OR6C76: variants seen among roughly 807,000 people sequenced by gnomAD.
The protein encoded by OR6C76 is olfactory receptor 6C76.
For missense variants in OR6C76, 352 were observed against 357.3 expected, an observed-to-expected ratio of 0.99 and a Z score of 0.12; for synonymous variants, 140 against 137.8, an observed-to-expected ratio of 1.02 and a Z score of -0.11.
rs57387180 is a variant in OR6C76, at chr12:55,427,174, CA to C, written c.933del (p.Lys311AsnfsTer?). On this transcript the variant is annotated frameshift_variant, in exon 1 of 1. Coordinates refer to ENST00000328314, the MANE Select transcript of OR6C76 (RefSeq NM_001005183.1). LOFTEE classifies it high-confidence loss of function. Reference sequence around the variant, plus strand: ...AGGATGTTCTGAGAAAGATTTCCCACAAAAAAAAAAAACACTGATTTGAATG... The same window carrying C: ...AGGATGTTCTGAGAAAGATTTCCCACAAAAAAAAAAACACTGATTTGAATG... ...FKDVLRKISH[K>X]KKKH The C allele has an allele frequency of 0.27, 337,104 of 1,268,864 alleles. 11,332 individuals are homozygous for C. The highest frequency in any genetic ancestry group is 0.35 in the South Asian group (22,794 of 64,912). The allele number at this position is 1,268,864 out of a possible 1,614,324, so 78.6% of individuals were successfully genotyped here.
rs1452535448 is a variant in OR6C76 at position 55,426,413 on chromosome 12, A to C, written c.160A>C (p.Lys54Gln). 6.2e-7 allele frequency: 1 copy of C among 1,613,890 alleles called. No homozygotes were observed. The highest frequency in any genetic ancestry group is 1.7e-5 in the Admixed American group (1 of 59,974). ...CCTTACCCTGCTGGATTCCCACCTG[A>C]AGACCCCCATGTATTTCTTCCTCAG... ...ISLTLLDSHL[K>Q]TPMYFFLRNF... is the part of the protein sequence containing the mutation. The change falls in exon 1 of 1, where the codon AAG becomes CAG. Residue 54 changes from lysine (K) to glutamine (Q), a missense_variant. By Grantham distance (53) the Lys-to-Gln change is moderately conservative. Transcript: ENST00000328314.
Position 55,426,774 on chromosome 12 carries a change from T to A in OR6C76, c.521T>A (p.Phe174Tyr). ...TGTGACTCCAATGTCATTGACCACT[T>A]TACCTGTGACTCTGCTCCTTTGCTG... ...DFCDSNVIDH[F>Y]TCDSAPLLQI... The change falls in exon 1 of 1, where the codon TTT (phenylalanine) becomes TAT (tyrosine). Residue 174 changes from phenylalanine to tyrosine, a missense_variant. Transcript: ENST00000328314. 6.2e-7 allele frequency: 1 copy of A among 1,613,524 alleles called. No individual in the cohort carries two copies. The highest frequency in any genetic ancestry group is 8.5e-7 in the Non-Finnish European group (1 of 1,179,824).
chr12:55,426,410 C>A lies in OR6C76; in HGVS notation c.157C>A (p.Leu53Met). 1.2e-6 allele frequency: 2 copies of A among 1,613,852 alleles called. No homozygotes were observed. The highest frequency in any genetic ancestry group is 1.7e-6 in the Non-Finnish European group (2 of 1,179,826). The change falls in exon 1 of 1, where the codon CTG becomes ATG. Residue 53 changes from leucine (L) to methionine (M), a missense_variant. By Grantham distance (15) the Leu-to-Met change is conservative (BLOSUM62 2). Coordinates refer to ENST00000328314, the MANE Select transcript of OR6C76 (RefSeq NM_001005183.1). ...IISLTLLDSH[L>M]KTPMYFFLRN... ...CTCCCTTACCCTGCTGGATTCCCAC[C>A]TGAAGACCCCCATGTATTTCTTCCT...
At position 55,427,027 on chromosome 12, in the gene OR6C76, A is replaced by T. The variant is rs1445249456; in HGVS notation, c.774A>T (p.Lys258Asn). The T allele has an allele frequency of 2.5e-6, 4 of 1,613,492 alleles. No homozygotes were observed. Among genetic ancestry groups the T allele is most frequent in the Non-Finnish European group, 3.4e-6 (4 of 1,179,738 alleles). ...GAAGCTGCATCTTCATGTATGTGAA[A>T]ACATCAGCAAAGGAAGGAGTTGCTT... is the stretch of plus-strand genomic sequence containing the variant. ...SYGSCIFMYVKTSAKEGVALT... is the reference protein window; with the variant it reads ...SYGSCIFMYVNTSAKEGVALT... Residue 258 changes from lysine to asparagine, a missense_variant, in exon 1 of 1, where the codon AAA becomes AAT. Transcript: ENST00000328314.
At position 55,426,801 on chromosome 12, in the gene OR6C76, A is replaced by G; in HGVS notation, c.548A>G (p.Gln183Arg). 1 of 1,613,538 alleles carries G rather than the reference A, an allele frequency of 6.2e-7. No homozygotes were observed. Among genetic ancestry groups the G allele is most frequent in the Non-Finnish European group, 8.5e-7 (1 of 1,179,798 alleles). Residue 183 changes from glutamine to arginine, a missense_variant, in exon 1 of 1, where the codon CAA becomes CGA. Gln to Arg is a conservative substitution (Grantham distance 43, BLOSUM62 1). Transcript: ENST00000328314. ...HFTCDSAPLL[Q>R]ISCTDTSTLE... The stretch of plus-strand genomic sequence containing the variant: ...ACCTGTGACTCTGCTCCTTTGCTGC[A>G]AATCTCTTGCACAGACACAAGTACT...
rs545625846 is a variant in OR6C76, at chr12:55,426,832, G to A, written c.579G>A (p.Glu193=). The change falls in exon 1 of 1, where the codon GAG becomes GAA. Residue 193 remains glutamate, a synonymous_variant. Transcript: ENST00000328314. Reference sequence around the variant, plus strand: ...CTTGCACAGACACAAGTACTCTAGAGCTCATGAGCTTTATTTTAGCTCTGT... The same window carrying A: ...CTTGCACAGACACAAGTACTCTAGAACTCATGAGCTTTATTTTAGCTCTGT... ...QISCTDTSTL[E]LMSFILALFT... 2.5e-6 allele frequency: 4 copies of A among 1,613,364 alleles called. No homozygotes were observed. Among genetic ancestry groups the A allele is most frequent in the Middle Eastern group, 1.7e-4 (1 of 6,060 alleles).
In OR6C76 at chr12:55,426,691, G is replaced by T. The variant is rs1189984694; in HGVS notation, c.438G>T (p.Trp146Cys). ...GTTATCAGCTTATAATCAGCTCTTGGCTGGCTGGTTTCTTGGTAATTTTTC... is the reference window on the plus strand; with the variant it reads ...GTTATCAGCTTATAATCAGCTCTTGTCTGGCTGGTTTCTTGGTAATTTTTC... ...RICYQLIISS[W>C]LAGFLVIFPP... The change falls in exon 1 of 1, where the codon TGG (tryptophan) becomes TGT (cysteine). Residue 146 changes from tryptophan to cysteine, a missense_variant. By Grantham distance (215) the Trp-to-Cys change is radical. Coordinates refer to ENST00000328314, the MANE Select transcript of OR6C76 (RefSeq NM_001005183.1). 1.9e-6 allele frequency: 3 copies of T among 1,613,526 alleles called. No homozygotes were observed. Among genetic ancestry groups the T allele is most frequent in the Non-Finnish European group, 2.5e-6 (3 of 1,179,824 alleles).
rs757492978 is a variant in OR6C76 at position 55,426,423 on chromosome 12, T to C, written c.170T>C (p.Met57Thr). 1.2e-6 allele frequency: 2 copies of C among 1,613,900 alleles called. No individual in the cohort carries two copies. The highest frequency in any genetic ancestry group is 1.7e-6 in the Non-Finnish European group (2 of 1,179,842). Residue 57 changes from methionine to threonine, a missense_variant, in exon 1 of 1, where the codon ATG becomes ACG. Met to Thr is a moderately conservative substitution (Grantham distance 81). Coordinates refer to ENST00000328314, the MANE Select transcript of OR6C76 (RefSeq NM_001005183.1). ...TLLDSHLKTP[M>T]YFFLRNFSLE... ...CTGGATTCCCACCTGAAGACCCCCA[T>C]GTATTTCTTCCTCAGGAATTTCTCC...
chr12:55,427,083 C>T lies in OR6C76; in HGVS notation c.830C>T (p.Ser277Phe). 1 of 1,612,924 alleles carries T rather than the reference C, an allele frequency of 6.2e-7. No homozygotes were observed. Among genetic ancestry groups the T allele is most frequent in the African/African-American group, 1.3e-5 (1 of 74,946 alleles). Residue 277 changes from serine to phenylalanine, a missense_variant, in exon 1 of 1, where the codon TCT becomes TTT. Transcript: ENST00000328314. ...AAAGGAGTAGCTATACTCAATACCTCTGTCGCTCCTATGCTGAATCCATTT... is the reference window on the plus strand; with the variant it reads ...AAAGGAGTAGCTATACTCAATACCTTTGTCGCTCCTATGCTGAATCCATTT... ...LTKGVAILNT[S>F]VAPMLNPFIY... is the part of the protein sequence containing the mutation.
Position 55,426,614 on chromosome 12 carries a change from G to GTGGC in OR6C76, c.363_366dup (p.Ile123GlyfsTer4), listed in dbSNP as rs1310854288. ...GGCCTCTATGTCCTATGATTGCTAT[G>GTGGC]TGGCTATATGTAAGCCTCTGCATTA... is the stretch of plus-strand genomic sequence containing the variant. On this transcript the variant is annotated frameshift_variant, in exon 1 of 1. Coordinates refer to ENST00000328314, the MANE Select transcript of OR6C76 (RefSeq NM_001005183.1). LOFTEE classifies it low-confidence loss of function (END_TRUNC). The GTGGC allele has an allele frequency of 6.2e-7, 1 of 1,613,658 alleles. No homozygotes were observed. Among genetic ancestry groups the GTGGC allele is most frequent in the African/African-American group, 1.3e-5 (1 of 74,882 alleles).
chr12:55,426,293 G>C lies in OR6C76; in HGVS notation c.40G>C (p.Gly14Arg), dbSNP rs752553363. ...ATCAGTGACAGATTTCATCCTTCTGGGTCTGACGGATAATCCGCAACTGCA... is the reference window on the plus strand; with the variant it reads ...ATCAGTGACAGATTTCATCCTTCTGCGTCTGACGGATAATCCGCAACTGCA... ...RTSVTDFILLGLTDNPQLQVV... is the reference protein window; with the variant it reads ...RTSVTDFILLRLTDNPQLQVV... Residue 14 changes from glycine to arginine, a missense_variant, in exon 1 of 1, where the codon GGT becomes CGT. Coordinates refer to ENST00000328314, the MANE Select transcript of OR6C76 (RefSeq NM_001005183.1). 6.2e-7 allele frequency: 1 copy of C among 1,611,466 alleles called. No homozygotes were observed. Among genetic ancestry groups the C allele is most frequent in the South Asian group, 1.1e-5 (1 of 90,464 alleles).
Position 55,427,094 on chromosome 12 carries a change from A to G in OR6C76, c.841A>G (p.Met281Val), listed in dbSNP as rs771773632. ...TATACTCAATACCTCTGTCGCTCCT[A>G]TGCTGAATCCATTTATTTACACTCT... ...VAILNTSVAP[M>V]LNPFIYTLRN... The change falls in exon 1 of 1, where the codon ATG (methionine) becomes GTG (valine). Residue 281 changes from methionine to valine, a missense_variant. Transcript: ENST00000328314. 2.5e-6 allele frequency: 4 copies of G among 1,612,824 alleles called. No individual in the cohort carries two copies. The highest frequency in any genetic ancestry group is 1.3e-5 in the African/African-American group (1 of 74,814).
rs775273954 is a variant in OR6C76 at position 55,426,833 on chromosome 12, C to T, written c.580C>T (p.Leu194Phe). The T allele has an allele frequency of 9.9e-6, 16 of 1,613,250 alleles. No individual in the cohort carries two copies. The highest frequency in any genetic ancestry group is 1.2e-5 in the Non-Finnish European group (14 of 1,179,708). The change falls in exon 1 of 1, where the codon CTC becomes TTC. Residue 194 changes from leucine to phenylalanine, a missense_variant. Transcript: ENST00000328314. ...ISCTDTSTLE[L>F]MSFILALFTL... ...TTGCACAGACACAAGTACTCTAGAGCTCATGAGCTTTATTTTAGCTCTGTT... is the reference window on the plus strand; with the variant it reads ...TTGCACAGACACAAGTACTCTAGAGTTCATGAGCTTTATTTTAGCTCTGTT...
Position 55,427,039 on chromosome 12 carries a change from G to A in OR6C76, c.786G>A (p.Lys262=), listed in dbSNP as rs149623049. 1.1e-5 allele frequency: 18 copies of A among 1,613,326 alleles called. No homozygotes were observed. The highest frequency in any genetic ancestry group is 1.6e-4 in the Middle Eastern group (1 of 6,082). The change falls in exon 1 of 1, where the codon AAG becomes AAA. Residue 262 remains lysine, a synonymous_variant. Transcript: ENST00000328314. ...CIFMYVKTSA[K]EGVALTKGVA... is the part of the protein sequence containing the mutation. ...TCATGTATGTGAAAACATCAGCAAA[G>A]GAAGGAGTTGCTTTGACAAAAGGAG...
chr12:55,426,764 A>G lies in OR6C76; in HGVS notation c.511A>G (p.Ile171Val). The G allele has an allele frequency of 6.2e-7, 1 of 1,613,448 alleles. No homozygotes were observed. Among genetic ancestry groups the G allele is most frequent in the Non-Finnish European group, 8.5e-7 (1 of 1,179,820 alleles). Residue 171 changes from isoleucine (I) to valine (V), a missense_variant, in exon 1 of 1, where the codon ATT becomes GTT. Ile to Val is a conservative substitution (Grantham distance 29, BLOSUM62 3). Coordinates refer to ENST00000328314, the MANE Select transcript of OR6C76 (RefSeq NM_001005183.1). ...GCTGGATTTCTGTGACTCCAATGTC[A>G]TTGACCACTTTACCTGTGACTCTGC... is the stretch of plus-strand genomic sequence containing the variant. The part of the protein sequence containing the change: ...LQLDFCDSNV[I>V]DHFTCDSAPL...
rs1236218642 is a variant in OR6C76 at position 55,427,006 on chromosome 12, C to T, written c.753C>T (p.Ser251=). Residue 251 remains serine, a synonymous_variant, in exon 1 of 1, where the codon AGC becomes AGT. Transcript: ENST00000328314. ...HVIVVSISYG[S]CIFMYVKTSA... ...TTGTTGTCTCTATCTCTTATGGAAG[C>T]TGCATCTTCATGTATGTGAAAACAT... 5.0e-6 allele frequency: 8 copies of T among 1,613,546 alleles called. No individual in the cohort carries two copies. Among genetic ancestry groups the T allele is most frequent in the Non-Finnish European group, 6.8e-6 (8 of 1,179,726 alleles).
rs375879716 is a variant in OR6C76, at chr12:55,427,133, G to A, written c.880G>A (p.Val294Met). 3 of 1,599,644 alleles carry A rather than the reference G, an allele frequency of 1.9e-6. No individual in the cohort carries two copies. The highest frequency in any genetic ancestry group is 4.5e-5 in the East Asian group (2 of 44,596). Residue 294 changes from valine to methionine, a missense_variant, in exon 1 of 1, where the codon GTG becomes ATG. By Grantham distance (21) the Val-to-Met change is conservative. Coordinates refer to ENST00000328314, the MANE Select transcript of OR6C76 (RefSeq NM_001005183.1). ...TATTTACACTCTAAGAAACCAGCAG[G>A]TGAAACAAGCATTTAAGGATGTTCT... The part of the protein sequence containing the change: ...PFIYTLRNQQ[V>M]KQAFKDVLRK...
At position 55,426,495 on chromosome 12, in the gene OR6C76, G is replaced by A. The variant is rs751401705; in HGVS notation, c.242G>A (p.Ser81Asn). Residue 81 changes from serine (S) to asparagine (N), a missense_variant, in exon 1 of 1, where the codon AGC (serine) becomes AAC (asparagine). By Grantham distance (46) the Ser-to-Asn change is conservative (BLOSUM62 1). Transcript: ENST00000328314. ...GTCTGTAATCCTAGATTTCTGATCA[G>A]CATTCTAACAGGGGACAAATCCATA... ...TSVCNPRFLI[S>N]ILTGDKSISY... The A allele has an allele frequency of 3.7e-6, 6 of 1,613,650 alleles. No homozygotes were observed. The highest frequency in any genetic ancestry group is 1.7e-5 in the Admixed American group (1 of 59,944).
In OR6C76 at chr12:55,426,425, T is replaced by A; in HGVS notation, c.172T>A (p.Tyr58Asn). 2 of 1,613,906 alleles carry A rather than the reference T, an allele frequency of 1.2e-6. No individual in the cohort carries two copies. The highest frequency in any genetic ancestry group is 2.7e-5 in the African/African-American group (2 of 75,036). Residue 58 changes from tyrosine (Y) to asparagine (N), a missense_variant, in exon 1 of 1, where the codon TAT becomes AAT. Coordinates refer to ENST00000328314, the MANE Select transcript of OR6C76 (RefSeq NM_001005183.1). Reference sequence around the variant, plus strand: ...GGATTCCCACCTGAAGACCCCCATGTATTTCTTCCTCAGGAATTTCTCCTT... The same window carrying A: ...GGATTCCCACCTGAAGACCCCCATGAATTTCTTCCTCAGGAATTTCTCCTT... ...LLDSHLKTPMYFFLRNFSLEI... is the reference protein window; with the variant it reads ...LLDSHLKTPMNFFLRNFSLEI...
Sources: gnomAD v4.1 joint callset for allele counts on GRCh38, gnomAD v4.1.1 for gene constraint, MANE v1.5 for transcripts, NCBI Gene and HGNC (gene_info 2026-07-23, HGNC 2026-07-21) for gene names.